The following REEP5 variants were observed in gnomAD, a reference collection of about 807,000 sequenced individuals.
REEP5 encodes receptor expression-enhancing protein 5.
REEP5 carries 24 observed loss-of-function variants against 22.4 expected under a neutral mutation model. That is an observed-to-expected ratio of 1.07 (90% CI 0.78 to 1.51). The LOEUF (loss-of-function observed/expected upper bound fraction) is 1.51, where lower values mean the gene tolerates loss of function less well. Among genes scored for constraint, REEP5 ranks in the 40% most tolerant of loss-of-function variants. The pLI, the probability that REEP5 is intolerant of heterozygous loss-of-function variation, is 0.00. For missense variants in REEP5, 252 were observed against 233.0 expected (o/e 1.08, Z -0.53); for synonymous variants, 103 against 88.6 (o/e 1.16, Z -0.92).
intron 3 of REEP5, among the ~76,000 whole-genome samples, chr5:112,888,785 C>A (rs1305148141): frequency 6.6e-6 from 1 of 150,776 alleles, no homozygotes; most frequent in Non-Finnish European, 1.5e-5. Flanking sequence ...ACTTGGGAGG[C>A]CAAGGTGCAA....
At chr5:112,918,552 G>A (rs973737608) in intron 2 of REEP5, among the ~76,000 whole-genome samples, 15 of 152,208 alleles carry the variant, frequency 9.9e-5, no homozygotes, top group African/African-American at 3.6e-4. Context: ...GAGAAAGGAA[G>A]GAAGTAAATT....
rs1767914503 is a variant in REEP5 at position 112,876,983 on chromosome 5, T to C, written c.*1803A>G. 6.6e-6 allele frequency: 1 copy of C among 152,172 alleles called. No individual in the cohort carries two copies. The highest frequency in any genetic ancestry group is 6.5e-5 in the Admixed American group (1 of 15,278). The allele number at this position is 152,172 out of a possible 1,614,324, so 9.4% of individuals were successfully genotyped here. ...GATTATATAGTCTATATGCTAGAAG[T>C]TGCTGATTTTCATTCTGCCACCAAG... On this transcript the variant is annotated 3_prime_UTR_variant, in exon 5 of 5. Coordinates refer to ENST00000379638, the MANE Select transcript of REEP5 (RefSeq NM_005669.5).
At chr5:112,912,896 G>C (rs1026833345) in intron 2 of REEP5, among the ~76,000 whole-genome samples, 2 of 152,054 alleles carry the variant, frequency 1.3e-5, no homozygotes, top group Admixed American at 1.3e-4. Context: ...CTCCTTCATA[G>C]AAAAAAAGAA....
chr5:112,906,382 G>C (rs1187887660), intron 2 of REEP5, among the ~76,000 whole-genome samples: 4 of 152,216 alleles, frequency 2.6e-5, no homozygotes, highest in African/African-American at 9.6e-5. Context: ...TCAGTGGCAA[G>C]CTGGATAGCA....
At chr5:112,910,508 A>G (rs1769075195) in intron 2 of REEP5, among the ~76,000 whole-genome samples, 1 of 152,154 alleles carries the variant, frequency 6.6e-6, no homozygotes, top group Non-Finnish European at 1.5e-5. Context: ...TAGGCATTCT[A>G]TAATACCAGA....
At chr5:112,900,609 T>C (rs1271971089) in intron 3 of REEP5, among the ~76,000 whole-genome samples, 1 of 152,058 alleles carries the variant, frequency 6.6e-6, no homozygotes, top group East Asian at 1.9e-4. Context: ...AAGGGGACTG[T>C]ACAGTGAAGC....
At chr5:112,885,741 T>C in intron 4 of REEP5, 1 of 284,984 alleles carries the variant, frequency 3.5e-6, no homozygotes, top group Non-Finnish European at 7.4e-6. Context: ...AAGCTATTAA[T>C]GAACTAATTA....
At chr5:112,886,429 T>C (rs116244643) in intron 4 of REEP5, among the ~76,000 whole-genome samples, 1,811 of 152,340 alleles carry the variant, frequency 0.012, 9 homozygotes, top group Middle Eastern at 0.037. Flanking sequence ...AATGGCTCTT[T>C]ATCATTTCTC....
chr5:112,921,182 CA>C lies in REEP5; in HGVS notation c.192del (p.Phe64LeufsTer12). The C allele has an allele frequency of 6.2e-7, 1 of 1,614,086 alleles. No individual in the cohort carries two copies. Among genetic ancestry groups the C allele is most frequent in the South Asian group, 1.1e-5 (1 of 91,066 alleles). ...ACTTACGAGATGTAGGCTGGGTAGC[CA>C]AATCCTATCAGGTTGCAGAGGAGAG... Reference protein sequence around the residue: ...GASLLCNLIGFGYPAYISIKA... With the variant: ...GASLLCNLIGXGYPAYISIKA... On this transcript the variant is annotated frameshift_variant, in exon 2 of 5. Transcript: ENST00000379638. LOFTEE classifies it high-confidence loss of function.
intron 4 of REEP5, among the ~76,000 whole-genome samples, chr5:112,880,525 G>A (rs966231584): frequency 2.6e-5 from 4 of 152,142 alleles, no homozygotes; most frequent in Non-Finnish European, 5.9e-5. Flanking sequence ...TAAAATTACT[G>A]AACCAAGTTC....
rs755148026 is a variant in REEP5 at position 112,892,916 on chromosome 5, C to T, written c.352-5733G>A. 6.2e-6 allele frequency: 10 copies of T among 1,607,080 alleles called. No individual in the cohort carries two copies. The East Asian group carries it at 1.8e-4, about 29-fold the overall frequency. ...AAGAGTCGGGAGAGGCACAATTCAC[C>T]AAGCAGAGGAAGAAATAGGCACCGC... On this transcript the variant is annotated intron_variant, in intron 3 of 4. Transcript: ENST00000379638.
At chr5:112,891,925 G>GA in intron 3 of REEP5, 1 of 1,287,390 alleles carries the variant, frequency 7.8e-7, no homozygotes. Context: ...AATAAAGAAG[G>GA]AAAAGGAAGA....
intron 3 of REEP5, among the ~76,000 whole-genome samples, chr5:112,888,829 T>C (rs929596340): frequency 4.0e-5 from 6 of 150,726 alleles, no homozygotes; most frequent in African/African-American, 1.5e-4. Context: ...GAGACTGACA[T>C]GGTTTAGCTG....
chr5:112,912,209 T>A (rs1163193053), intron 2 of REEP5, among the ~76,000 whole-genome samples: 1 of 152,146 alleles, frequency 6.6e-6, no homozygotes, highest in African/African-American at 2.4e-5. Flanking sequence ...ATCAGCTCCA[T>A]ATACACATGC....
Position 112,877,056 on chromosome 5 carries a change from A to G in REEP5, c.*1730T>C, listed in dbSNP as rs1434556446. On this transcript the variant is annotated 3_prime_UTR_variant, in exon 5 of 5. Coordinates refer to ENST00000379638, the MANE Select transcript of REEP5 (RefSeq NM_005669.5). ...GAAAAGGATTTAAATACTCCTAGAT[A>G]CTTAAAATTTTTTTAATCTAAAAGT... 2 of 152,126 alleles carry G rather than the reference A, an allele frequency of 1.3e-5. No individual in the cohort carries two copies. The highest frequency in any genetic ancestry group is 2.4e-5 in the African/African-American group (1 of 41,432). The allele number at this position is 152,126 out of a possible 1,614,324, so 9.4% of individuals were successfully genotyped here.
intron 3 of REEP5, chr5:112,893,271 G>T (rs1296471421): frequency 1.1e-5 from 3 of 270,342 alleles, no homozygotes; most frequent in Non-Finnish European, 2.1e-5. Context: ...TTAGCCAGGT[G>T]TGGTGGCAGG....
intron 2 of REEP5, among the ~76,000 whole-genome samples, chr5:112,904,563 T>C (rs1215252588): frequency 6.6e-6 from 1 of 152,194 alleles, no homozygotes; most frequent in Non-Finnish European, 1.5e-5. Flanking sequence ...TTCTAGAATA[T>C]GACGTAAAAA....
chr5:112,891,635 G>A (rs1475223044), intron 3 of REEP5: 3 of 1,598,866 alleles, frequency 1.9e-6, no homozygotes, highest in African/African-American at 1.3e-5. Flanking sequence ...GGCGGTGCTG[G>A]CAAGATGGCT....
At chr5:112,921,368 C>G (rs1769361273) in intron 1 of REEP5, 112 bp from the exon 2 acceptor site, 3 of 983,562 alleles carry the variant, frequency 3.1e-6, no homozygotes, top group Non-Finnish European at 4.8e-6. Context: ...CCTCTCGACT[C>G]GATTAAAGGA....
Sources: allele counts gnomAD v4.1 joint callset (sites outside exome capture counted in the v4.1 genomes callset), GRCh38; gene constraint gnomAD v4.1.1; transcripts MANE v1.5; gene names NCBI Gene and HGNC (gene_info 2026-07-23, HGNC 2026-07-21).